ZNF592: variants seen among roughly 807,000 people sequenced by gnomAD.
ZNF592 encodes the protein zinc finger protein 592.
Under a neutral mutation model 80.3 loss-of-function variants are expected in ZNF592, and 11 were observed. The observed-to-expected ratio is 0.14, with a 90% CI of 0.09 to 0.23. The LOEUF is 0.23. Ranked by LOEUF, ZNF592 falls within the 10% of genes least tolerant of loss-of-function variation. The pLI, the probability that ZNF592 is intolerant of heterozygous loss-of-function variation, is 1.00. For synonymous variants in ZNF592, 646 were observed against 640.3 expected (o/e 1.01, Z -0.13); for missense variants, 1,420 against 1,633.9 (o/e 0.87, Z 2.26).
At chr15:84,774,206 C>T (rs1962176803) in intron 2 of ZNF592, among the ~76,000 whole-genome samples, 1 of 152,172 alleles carries the variant, frequency 6.6e-6, no homozygotes, top group Admixed American at 6.5e-5. Context: ...TGATTAGGAA[C>T]AGCTTTAAGG....
chr15:84,783,752 A>C lies in ZNF592; in HGVS notation c.1077A>C (p.Lys359Asn), dbSNP rs1962494748. Residue 359 changes from lysine (K) to asparagine (N), a missense_variant, in exon 4 of 11, where the codon AAA (lysine) becomes AAC (asparagine). Coordinates refer to ENST00000560079, the MANE Select transcript of ZNF592 (RefSeq NM_014630.3). The surrounding 1 kb of genome is among the most constrained non-coding windows in gnomAD (Gnocchi z 5.0). Reference sequence around the variant, plus strand: ...GCATCTGCAGTGACAGCAGCAGCAAAGGCTCACCGTCTGTGGCTGCCAGCT... The same window carrying C: ...GCATCTGCAGTGACAGCAGCAGCAACGGCTCACCGTCTGTGGCTGCCAGCT... ...PRSICSDSSS[K>N]GSPSVAASSP... The C allele has an allele frequency of 6.2e-7, 1 of 1,614,176 alleles. No individual in the cohort carries two copies. Among genetic ancestry groups the C allele is most frequent in the Admixed American group, 1.7e-5 (1 of 60,028 alleles).
chr15:84,803,545 A>G lies in ZNF592; in HGVS notation c.*1152A>G, dbSNP rs1311177866. 1 of 152,220 alleles carries G rather than the reference A, an allele frequency of 6.6e-6. No individual in the cohort carries two copies. The highest frequency in any genetic ancestry group is 1.5e-5 in the Non-Finnish European group (1 of 68,050). The allele number at this position is 152,220 out of a possible 1,614,324, so 9.4% of individuals were successfully genotyped here. On this transcript the variant is annotated 3_prime_UTR_variant, in exon 11 of 11. Coordinates refer to ENST00000560079, the MANE Select transcript of ZNF592 (RefSeq NM_014630.3). ...CTCCACAATGGTCAAGTCACCTCCAAGATCTCCAGGCTAGTGACATTGGCT... is the reference window on the plus strand; with the variant it reads ...CTCCACAATGGTCAAGTCACCTCCAGGATCTCCAGGCTAGTGACATTGGCT...
Position 84,803,444 on chromosome 15 carries a change from G to A in ZNF592, c.*1051G>A, listed in dbSNP as rs1021538403. The A allele has an allele frequency of 6.6e-6, 1 of 152,520 alleles. No homozygotes were observed. The highest frequency in any genetic ancestry group is 2.1e-4 in the South Asian group (1 of 4,828). The allele number at this position is 152,520 out of a possible 1,614,324, so 9.4% of individuals were successfully genotyped here. ...TAAGGAAGGCCTTCTCTAGATTCTG[G>A]AGCTTGTGGTTAGGAAACCGGGAGC... On this transcript the variant is annotated 3_prime_UTR_variant, in exon 11 of 11. Coordinates refer to ENST00000560079, the MANE Select transcript of ZNF592 (RefSeq NM_014630.3).
chr15:84,800,020 A>AGGCTTGGAGCTGGAAG (rs1470797543), intron 10 of ZNF592, 43 bp downstream of exon 10: 1 of 1,613,688 alleles, frequency 6.2e-7, no homozygotes, highest in Non-Finnish European at 8.5e-7. Flanking sequence ...CTGCTCAGTG[A>AGGCTTGGAGCTGGAAG]GGCTTGGAGC....
intron 2 of ZNF592, among the ~76,000 whole-genome samples, chr15:84,770,513 A>T (rs1348546310): frequency 6.6e-6 from 1 of 152,146 alleles, no homozygotes; most frequent in Non-Finnish European, 1.5e-5. Flanking sequence ...AGATGTTTCC[A>T]GTGGATTATG....
At position 84,784,512 on chromosome 15, in the gene ZNF592, A is replaced by G. The variant is rs1962529709; in HGVS notation, c.1837A>G (p.Ile613Val). The part of the protein sequence containing the change: ...SQHYGRRSVH[I>V]EVLCTLCSKT... ...GCACTATGGCCGGCGGAGCGTCCACATTGAGGTACTGTGCACACTGTGCTC... is the reference window on the plus strand; with the variant it reads ...GCACTATGGCCGGCGGAGCGTCCACGTTGAGGTACTGTGCACACTGTGCTC... The change falls in exon 4 of 11, where the codon ATT (isoleucine) becomes GTT (valine). Residue 613 changes from isoleucine (I) to valine (V), a missense_variant. By Grantham distance (29) the Ile-to-Val change is conservative. Around this residue, in one of 7 missense-constraint regions of ZNF592, gnomAD observed 524 missense variants for 628.3 expected, o/e 0.83. Coordinates refer to ENST00000560079, the MANE Select transcript of ZNF592 (RefSeq NM_014630.3). This position sits in a 1 kb window ranked among gnomAD's most constrained non-coding sequence, Gnocchi z 5.8. The G allele has an allele frequency of 5.6e-6, 9 of 1,614,012 alleles. No individual in the cohort carries two copies. Among genetic ancestry groups the G allele is most frequent in the Non-Finnish European group, 7.6e-6 (9 of 1,180,034 alleles).
At chr15:84,777,129 TA>T (rs1962276690) in intron 2 of ZNF592, among the ~76,000 whole-genome samples, 2 of 151,898 alleles carry the variant, frequency 1.3e-5, no homozygotes, top group Non-Finnish European at 2.9e-5. Flanking sequence ...TAGTTTCTTC[TA>T]TTTTTTTTCC....
At position 84,799,817 on chromosome 15, in the gene ZNF592, T is replaced by G; in HGVS notation, c.3138-25T>G. 3.1e-6 allele frequency: 5 copies of G among 1,613,592 alleles called. No homozygotes were observed. The highest frequency in any genetic ancestry group is 4.2e-6 in the Non-Finnish European group (5 of 1,179,976). On this transcript the variant is annotated intron_variant, in intron 9 of 10. Transcript: ENST00000560079. This position sits in a 1 kb window ranked among gnomAD's most constrained non-coding sequence, Gnocchi z 4.2. The stretch of plus-strand genomic sequence containing the variant: ...GGAGCCTGCGGCCCGGGCACTTACC[T>G]GACCTCTCCGCTGTGCTTCTGCAGG...
chr15:84,776,834 G>A (rs1381460291), intron 2 of ZNF592, among the ~76,000 whole-genome samples: 2 of 151,806 alleles, frequency 1.3e-5, no homozygotes, highest in East Asian at 3.9e-4. Flanking sequence ...GGTGGAATAC[G>A]AGGTCAGGAG....
chr15:84,763,296 G>T (rs1054651443), intron 1 of ZNF592, among the ~76,000 whole-genome samples: 18 of 152,318 alleles, frequency 1.2e-4, no homozygotes, highest in Middle Eastern at 3.4e-3. Context: ...CAGCCAGCCT[G>T]GAAGTGAAGC....
At chr15:84,795,890 T>C (rs931888351) in intron 5 of ZNF592, among the ~76,000 whole-genome samples, 2 of 152,006 alleles carry the variant, frequency 1.3e-5, no homozygotes, top group Non-Finnish European at 2.9e-5. Context: ...TCCCTTCCAA[T>C]ACACACAAGG....
intron 2 of ZNF592, among the ~76,000 whole-genome samples, chr15:84,770,344 G>A (rs1322948454): frequency 1.3e-5 from 2 of 152,156 alleles, no homozygotes; most frequent in Non-Finnish European, 1.5e-5. Flanking sequence ...TTATAAAATA[G>A]CAGGAAAGAG....
In ZNF592 at chr15:84,766,003, CT is replaced by C. The variant is rs527253414; in HGVS notation, c.-150+1201del. On this transcript the variant is annotated intron_variant, in intron 2 of 10. Coordinates refer to ENST00000560079, the MANE Select transcript of ZNF592 (RefSeq NM_014630.3). ...ATTCGGTAGTTATCAATTCATGGTC[CT>C]TTTTTTTTTTTTATGTTTTGTTTTT... Among the ~76,000 whole-genome samples the C allele has an allele frequency of 2.8e-3, 408 of 143,722 alleles. 1 individual carries two copies. Among genetic ancestry groups the C allele is most frequent in the African/African-American group, 5.6e-3 (219 of 38,994 alleles). 94.3% of individuals were successfully genotyped at this position (143,722 alleles called of 152,430 possible). A position where few individuals can be genotyped will look rare whatever the true frequency, so the allele number is the denominator to read the frequency against.
Position 84,798,663 on chromosome 15 carries a change from C to T in ZNF592, c.2812C>T (p.Pro938Ser). The T allele has an allele frequency of 6.2e-7, 1 of 1,613,868 alleles. No homozygotes were observed. Among genetic ancestry groups the T allele is most frequent in the South Asian group, 1.1e-5 (1 of 91,086 alleles). The change falls in exon 8 of 11, where the codon CCT becomes TCT. Residue 938 changes from proline (P) to serine (S), a missense_variant. By Grantham distance (74) the Pro-to-Ser change is moderately conservative. This residue lies in a region of ZNF592 where 331 missense variants were observed against 347.0 expected (regional missense o/e 0.95). Coordinates refer to ENST00000560079, the MANE Select transcript of ZNF592 (RefSeq NM_014630.3). This position sits in a 1 kb window ranked among gnomAD's most constrained non-coding sequence, Gnocchi z 4.5. ...TTCAGCGGACACATCCTCAAGCCGCCCTGGCTCTCGAGTTCCCACTGAGCC... is the reference window on the plus strand; with the variant it reads ...TTCAGCGGACACATCCTCAAGCCGCTCTGGCTCTCGAGTTCCCACTGAGCC... ...QSSADTSSSRPGSRVPTEPPA... is the reference protein window; with the variant it reads ...QSSADTSSSRSGSRVPTEPPA...
chr15:84,805,762 T>G lies in ZNF592; in HGVS notation c.*3369T>G, dbSNP rs1963221606. On this transcript the variant is annotated 3_prime_UTR_variant, in exon 11 of 11. Transcript: ENST00000560079. ...TGTTTGTTTTTTTGTTTTGAAAAAT[T>G]AATACATATACATGGTAAGACATTC... 6.6e-6 allele frequency: 1 copy of G among 152,588 alleles called. No individual in the cohort carries two copies. Among genetic ancestry groups the G allele is most frequent in the Non-Finnish European group, 1.5e-5 (1 of 68,040 alleles). 9.5% of individuals were successfully genotyped at this position (152,588 alleles called of 1,614,324 possible).
rs2141525314 is a variant in ZNF592 at position 84,799,294 on chromosome 15, A to G, written c.3137+84A>G. 1.5e-6 allele frequency: 2 copies of G among 1,333,162 alleles called. No individual in the cohort carries two copies. Among genetic ancestry groups the G allele is most frequent in the South Asian group, 1.2e-5 (1 of 85,346 alleles). The allele number at this position is 1,333,162 out of a possible 1,614,324, so 82.6% of individuals were successfully genotyped here. ...ACCACTGGGGCTTTTCTGTGCTGCA[A>G]GATCAGGTGTCTAAGACAAGAGACA... On this transcript the variant is annotated intron_variant, in intron 9 of 10. Coordinates refer to ENST00000560079, the MANE Select transcript of ZNF592 (RefSeq NM_014630.3). This position sits in a 1 kb window ranked among gnomAD's most constrained non-coding sequence, Gnocchi z 4.2.
chr15:84,780,928 C>G (rs759647889), intron 3 of ZNF592, among the ~76,000 whole-genome samples: 1 of 152,140 alleles, frequency 6.6e-6, no homozygotes, highest in South Asian at 2.1e-4. Context: ...CAAATGCACG[C>G]GTAGTTTTAC....
Sources: allele counts gnomAD v4.1 joint callset (sites outside exome capture counted in the v4.1 genomes callset), GRCh38; gene constraint gnomAD v4.1.1; regional missense constraint gnomAD v4.1.1; non-coding constraint Gnocchi (gnomAD v3.1); transcripts MANE v1.5; gene names NCBI Gene and HGNC (gene_info 2026-07-23, HGNC 2026-07-21).